The following RBFOX1 variants were observed in gnomAD, a reference collection of about 807,000 sequenced individuals.
RBFOX1 encodes the protein RNA binding protein fox-1 homolog 1.
RBFOX1 carries 8 observed loss-of-function variants against 57.7 expected under a neutral mutation model. The observed-to-expected ratio is 0.14, with a 90% confidence interval of 0.08 to 0.25. RBFOX1 has a LOEUF of 0.25. Ranked by LOEUF, RBFOX1 falls within the 10% of genes least tolerant of loss-of-function variation. RBFOX1 has a pLI of 1.00. For missense variants in RBFOX1, 611 were observed against 548.5 expected, an observed-to-expected ratio of 1.11 and a Z score of -1.14; for synonymous variants, 326 against 222.4, an observed-to-expected ratio of 1.47 and a Z score of -4.15.
At chr16:6,219,573 T>G (rs1489332417) in intron 1 of RBFOX1, among the ~76,000 whole-genome samples, 2 of 151,894 alleles carry the variant, frequency 1.3e-5, no homozygotes, top group African/African-American at 4.8e-5. Context: ...CTCAATTGCT[T>G]TATCTGTAAA....
At chr16:6,431,884 G>GCTTTCTTT (rs748550069) in intron 2 of RBFOX1, among the ~76,000 whole-genome samples, 12 of 108,558 alleles carry the variant, frequency 1.1e-4, no homozygotes, top group African/African-American at 3.5e-4. Context: ...CCAGAAATAT[G>GCTTTCTTT]CTTGCTTGCT....
intron 1 of RBFOX1, among the ~76,000 whole-genome samples, chr16:5,269,667 G>T (rs1310465306): frequency 2.0e-5 from 3 of 152,212 alleles, no homozygotes; most frequent in East Asian, 1.9e-4. Flanking sequence ...GTTGCTCAGG[G>T]TTGGTAGGGG....
rs534324340 is a variant in RBFOX1 at position 6,916,147 on chromosome 16, A to G, written c.-15-135910A>G. ...TGAAGGCAACCCTCCAGGAGAGGCA[A>G]GAATGATCAAAGTTGACACGTTGTT... On this transcript the variant is annotated intron_variant, in intron 3 of 15. Transcript: ENST00000550418. 3.3e-5 allele frequency among the ~76,000 whole-genome samples: 5 copies of G among 152,284 alleles called. No homozygotes were observed. The East Asian group carries it at 9.7e-4, about 30-fold the overall frequency.
chr16:7,200,060 A>G (rs1405394188), intron 4 of RBFOX1, among the ~76,000 whole-genome samples: 2 of 152,224 alleles, frequency 1.3e-5, no homozygotes, highest in African/African-American at 4.8e-5. Flanking sequence ...AGTGAAATCT[A>G]AAAGTCAGAT....
intron 1 of RBFOX1, among the ~76,000 whole-genome samples, chr16:6,315,264 T>A (rs547151509): frequency 1.3e-5 from 2 of 152,236 alleles, no homozygotes; most frequent in South Asian, 4.1e-4. Context: ...ACTGGAAAGA[T>A]GGATGGATGG....
intron 4 of RBFOX1, among the ~76,000 whole-genome samples, chr16:7,400,518 T>G (rs1353023148): frequency 6.6e-6 from 1 of 152,194 alleles, no homozygotes; most frequent in Non-Finnish European, 1.5e-5. Flanking sequence ...TTCTCCCTCC[T>G]GGTCCCTTAC....
intron 4 of RBFOX1, among the ~76,000 whole-genome samples, chr16:7,169,229 G>A (rs142686280): frequency 2.6e-5 from 4 of 152,148 alleles, no homozygotes; most frequent in Admixed American, 6.5e-5. Context: ...TAATGGTGAC[G>A]ATGAAAATCA....
chr16:7,590,779 A>C (rs912170829), intron 7 of RBFOX1, among the ~76,000 whole-genome samples: 1 of 150,798 alleles, frequency 6.6e-6, no homozygotes, highest in Non-Finnish European at 1.5e-5. Context: ...GAATCACTTG[A>C]ACCCGGGGGG....
chr16:7,072,594 C>T (rs1383618539), intron 4 of RBFOX1, among the ~76,000 whole-genome samples: 1 of 152,168 alleles, frequency 6.6e-6, no homozygotes, highest in Non-Finnish European at 1.5e-5. Context: ...CATAATCTGG[C>T]TACAAGATAA....
chr16:7,641,574 A>C (rs1246501479), intron 11 of RBFOX1, among the ~76,000 whole-genome samples: 2 of 152,334 alleles, frequency 1.3e-5, no homozygotes, highest in East Asian at 3.9e-4. Context: ...GCAAACAGAA[A>C]GGCACAACCA....
intron 4 of RBFOX1, among the ~76,000 whole-genome samples, chr16:7,095,339 T>C (rs1225323928): frequency 6.6e-6 from 1 of 152,156 alleles, no homozygotes; most frequent in Non-Finnish European, 1.5e-5. Flanking sequence ...GGTTTCACTA[T>C]ATTGGCCAGG....
chr16:6,839,007 C>T (rs952136689), intron 3 of RBFOX1, among the ~76,000 whole-genome samples: 1 of 151,320 alleles, frequency 6.6e-6, no homozygotes. Context: ...ATTTTTGTGA[C>T]CGAGTCTTGC....
chr16:6,471,664 C>T (rs1597721803), intron 2 of RBFOX1, among the ~76,000 whole-genome samples: 1 of 151,894 alleles, frequency 6.6e-6, no homozygotes, highest in South Asian at 2.1e-4. Flanking sequence ...GACAGGCTGG[C>T]CCACCAGCTA....
intron 4 of RBFOX1, among the ~76,000 whole-genome samples, chr16:7,509,807 C>G (rs2074499404): frequency 6.6e-6 from 1 of 152,108 alleles, no homozygotes; most frequent in African/African-American, 2.4e-5. Flanking sequence ...TTGCCCTCCC[C>G]TCTTAAGAAA....
chr16:5,723,863 C>G (rs953076729), intron 3 of RBFOX1, among the ~76,000 whole-genome samples: 1 of 152,224 alleles, frequency 6.6e-6, no homozygotes. Flanking sequence ...CATTGTTTTC[C>G]TTACAGCAAA....
intron 3 of RBFOX1, among the ~76,000 whole-genome samples, chr16:5,637,794 G>A (rs2048731958): frequency 6.6e-6 from 1 of 152,110 alleles, no homozygotes; most frequent in African/African-American, 2.4e-5. Flanking sequence ...ACCCTCCCTG[G>A]TAGTGTGGTG....
intron 3 of RBFOX1, among the ~76,000 whole-genome samples, chr16:7,028,555 C>T (rs745719193): frequency 7.4e-6 from 1 of 136,002 alleles, no homozygotes; most frequent in Non-Finnish European, 1.5e-5. Flanking sequence ...GCATTGCACT[C>T]CAACCTGGGC....
At chr16:7,418,591 A>T (rs187918515) in intron 4 of RBFOX1, among the ~76,000 whole-genome samples, 26 of 152,330 alleles carry the variant, frequency 1.7e-4, no homozygotes, top group Admixed American at 6.5e-4. Context: ...GAAAGACCCA[A>T]ACAATATTTG....
intron 2 of RBFOX1, among the ~76,000 whole-genome samples, chr16:6,325,696 C>G (rs149841047): frequency 6.6e-6 from 1 of 152,050 alleles, no homozygotes; most frequent in African/African-American, 2.4e-5. Flanking sequence ...CTGGTTAATA[C>G]GATATGGAAA....
Sources: allele counts gnomAD v4.1 joint callset (sites outside exome capture counted in the v4.1 genomes callset), GRCh38; gene constraint gnomAD v4.1.1; transcripts MANE v1.5; gene names NCBI Gene and HGNC (gene_info 2026-07-23, HGNC 2026-07-21).